The following MROH7 variants were observed in gnomAD, a reference collection of about 807,000 sequenced individuals.
MROH7 encodes maestro heat-like repeat-containing protein family member 7.
A neutral mutation model predicts 129.2 loss-of-function variants in MROH7; 113 were observed. The ratio of observed to expected loss-of-function variants is 0.87; its 90% CI spans 0.75 to 1.02. The LOEUF (loss-of-function observed/expected upper bound fraction) is 1.02, where lower values mean the gene tolerates loss of function less well. MROH7 is among the 50% of genes least tolerant of loss of function. The pLI is 0.00. For synonymous variants in MROH7, 655 were observed against 667.9 expected (o/e 0.98, Z 0.30); for missense variants, 1,601 against 1,671.3 (o/e 0.96, Z 0.73).
rs1211746482 is a variant in MROH7 at position 54,678,873 on chromosome 1, T to C, written c.2049+19T>C. 1 of 1,583,868 alleles carries C rather than the reference T, an allele frequency of 6.3e-7. No homozygotes were observed. The highest frequency in any genetic ancestry group is 1.7e-5 in the Admixed American group (1 of 59,926). ...GATCGAGGTGACTGCCTGGTGCCCATCCAGGAGCGGAGGGTGGGGGGTGAG... is the reference window on the plus strand; with the variant it reads ...GATCGAGGTGACTGCCTGGTGCCCACCCAGGAGCGGAGGGTGGGGGGTGAG... On this transcript the variant is annotated intron_variant, in intron 11 of 23. Transcript: ENST00000421030.
At position 54,678,773 on chromosome 1, in the gene MROH7, G is replaced by C. The variant is rs772024815; in HGVS notation, c.1968G>C (p.Lys656Asn). ...GAGATAAGGAAGAGACCAACAAAAA[G>C]GAGCTATATGAGAGCAACAAGCATT... ...RARDKEETNKKELYESNKHFL... is the reference protein window; with the variant it reads ...RARDKEETNKNELYESNKHFL... The change falls in exon 11 of 24, where the codon AAG becomes AAC. Residue 656 changes from lysine (K) to asparagine (N), a missense_variant. Physicochemically the swap from Lys to Asn is moderately conservative, Grantham distance 94. Transcript: ENST00000421030. 42 of 1,613,844 alleles carry C rather than the reference G, an allele frequency of 2.6e-5. No individual in the cohort carries two copies. The highest frequency in any genetic ancestry group is 3.5e-5 in the Non-Finnish European group (41 of 1,179,954).
chr1:54,692,893 C>A (rs1234939050), intron 16 of MROH7, among the ~76,000 whole-genome samples: 1 of 152,172 alleles, frequency 6.6e-6, no homozygotes. Flanking sequence ...TTGGAGATGG[C>A]CTGACTGCAT....
rs1414070579 is a variant in MROH7 at position 54,678,735 on chromosome 1, C to T, written c.1937-7C>T. On this transcript the variant is annotated splice_polypyrimidine_tract_variant and splice_region_variant and intron_variant, in intron 10 of 23. Coordinates refer to ENST00000421030, the MANE Select transcript of MROH7 (RefSeq NM_001039464.4). ...CCGGCCTCACTGAGAAGGTTCTCAT[C>T]TTGCAGGAGCCAGAGATAAGGAAGA... is the stretch of plus-strand genomic sequence containing the variant. 1 of 1,605,972 alleles carries T rather than the reference C, an allele frequency of 6.2e-7. No individual in the cohort carries two copies. The highest frequency in any genetic ancestry group is 8.5e-7 in the Non-Finnish European group (1 of 1,172,764).
chr1:54,692,471 C>T lies in MROH7; in HGVS notation c.2759C>T (p.Ser920Phe). ...ACCCTGCTACTGAGGATGGGCTGCT[C>T]TTATGAGACCACGTTTCTGGAGGAC... ...VKTLLLRMGCSYETTFLEDQG... is the reference protein window; with the variant it reads ...VKTLLLRMGCFYETTFLEDQG... The change falls in exon 16 of 24, where the codon TCT (serine) becomes TTT (phenylalanine). Residue 920 changes from serine (S) to phenylalanine (F), a missense_variant. Coordinates refer to ENST00000421030, the MANE Select transcript of MROH7 (RefSeq NM_001039464.4). The T allele has an allele frequency of 6.2e-7, 1 of 1,614,084 alleles. No individual in the cohort carries two copies. The highest frequency in any genetic ancestry group is 8.5e-7 in the Non-Finnish European group (1 of 1,180,002).
At chr1:54,698,368 CTT>C (rs1645355387) in intron 17 of MROH7, 1 of 152,490 alleles carries the variant, frequency 6.6e-6, no homozygotes, top group Non-Finnish European at 1.5e-5. Flanking sequence ...TCTCATGACT[CTT>C]TTCCGTGTCT....
At chr1:54,659,261 A>G (rs142301870) in intron 3 of MROH7, 70 of 175,014 alleles carry the variant, frequency 4.0e-4, no homozygotes, top group African/African-American at 1.4e-3. Flanking sequence ...CGCTTAGCTA[A>G]TTTTTTGTAT....
intron 1 of MROH7, among the ~76,000 whole-genome samples, chr1:54,646,465 G>A (rs1452775279): frequency 6.6e-6 from 1 of 152,206 alleles, no homozygotes; most frequent in East Asian, 1.9e-4. Flanking sequence ...AAAACTCCAG[G>A]GAACTCACCA....
chr1:54,702,007 TGA>T (rs1645444105), intron 19 of MROH7, 81 bp from the exon 20 acceptor site: 1 of 1,240,174 alleles, frequency 8.1e-7, no homozygotes. Flanking sequence ...TAGGCTTGAG[TGA>T]GAGGAACAAT....
intron 1 of MROH7, among the ~76,000 whole-genome samples, chr1:54,648,375 T>TA (rs1374922440): frequency 4.3e-5 from 6 of 140,006 alleles, no homozygotes; most frequent in African/African-American, 1.6e-4. Context: ...TTTATTTATT[T>TA]ATTTTTTGAG....
chr1:54,655,799 C>G (rs1417637276), intron 3 of MROH7, among the ~76,000 whole-genome samples: 3 of 151,952 alleles, frequency 2.0e-5, no homozygotes, highest in Admixed American at 1.3e-4. Context: ...TCACACTTTC[C>G]TTTACATAGG....
intron 1 of MROH7, among the ~76,000 whole-genome samples, chr1:54,646,540 C>T (rs750809464): frequency 6.6e-6 from 1 of 152,056 alleles, no homozygotes; most frequent in African/African-American, 2.4e-5. Flanking sequence ...CCATCAGAAT[C>T]CTTTTATGGT....
At chr1:54,647,891 T>G in intron 1 of MROH7, among the ~76,000 whole-genome samples, 1 of 113,446 alleles carries the variant, frequency 8.8e-6, no homozygotes, top group Admixed American at 1.3e-4. Context: ...TGTGACAGAG[T>G]GAGACTCCAT....
At position 54,653,866 on chromosome 1, in the gene MROH7, A is replaced by T. The variant is rs745509518; in HGVS notation, c.940A>T (p.Thr314Ser). Residue 314 changes from threonine (T) to serine (S), a missense_variant, in exon 3 of 24, where the codon ACC (threonine) becomes TCC (serine). Physicochemically the swap from Thr to Ser is moderately conservative, Grantham distance 58. Coordinates refer to ENST00000421030, the MANE Select transcript of MROH7 (RefSeq NM_001039464.4). The stretch of plus-strand genomic sequence containing the variant: ...CTATGGTATCAGCCTGCACTCCAGC[A>T]CCCATGAGCCCAACTCCACCATCTC... Reference protein sequence around the residue: ...SSYGISLHSSTHEPNSTISPP... With the variant: ...SSYGISLHSSSHEPNSTISPP... The T allele has an allele frequency of 1.2e-6, 2 of 1,613,716 alleles. No homozygotes were observed. The highest frequency in any genetic ancestry group is 2.7e-5 in the African/African-American group (2 of 74,824).
chr1:54,648,380 T>A (rs868643289), intron 1 of MROH7, among the ~76,000 whole-genome samples: 5 of 84,106 alleles, frequency 5.9e-5, no homozygotes, highest in African/African-American at 2.6e-4. Flanking sequence ...TTATTTATTT[T>A]TTGAGACGGA....
intron 15 of MROH7, among the ~76,000 whole-genome samples, chr1:54,688,320 C>A (rs750524316): frequency 6.6e-6 from 1 of 151,012 alleles, no homozygotes; most frequent in South Asian, 2.1e-4. Context: ...GATCCTCCAA[C>A]CTTGGCCTCC....
In MROH7 at chr1:54,701,981, G is replaced by A. The variant is rs193117226; in HGVS notation, c.3286-109G>A. The stretch of plus-strand genomic sequence containing the variant: ...AGTGGGGGTCTGGCTGGGAAGAGTC[G>A]GGAGAGTTCCAGACCTAGGCTTGAG... On this transcript the variant is annotated intron_variant, in intron 19 of 23. Coordinates refer to ENST00000421030, the MANE Select transcript of MROH7 (RefSeq NM_001039464.4). 4.6e-4 allele frequency: 455 copies of A among 981,352 alleles called. 7 individuals are homozygous for A. In the East Asian group the frequency reaches 0.012, roughly 26 times the overall value. The allele number at this position is 981,352 out of a possible 1,614,324, so 60.8% of individuals were successfully genotyped here. A position where few individuals can be genotyped will look rare whatever the true frequency, so the allele number is the denominator to read the frequency against.
chr1:54,655,206 G>A (rs1644624859), intron 3 of MROH7, among the ~76,000 whole-genome samples: 2 of 151,868 alleles, frequency 1.3e-5, no homozygotes, highest in South Asian at 4.2e-4. Context: ...GTAGAGACAA[G>A]GTTTTGCCAT....
chr1:54,697,820 T>C, intron 17 of MROH7: 1 of 572,096 alleles, frequency 1.7e-6, no homozygotes, highest in Non-Finnish European at 3.2e-6. Context: ...TGTTAGTGTC[T>C]ACCACATGGG....
intron 9 of MROH7, 89 bp downstream of exon 9, chr1:54,673,894 T>A: frequency 6.6e-7 from 1 of 1,518,202 alleles, no homozygotes; most frequent in Non-Finnish European, 9.1e-7. Context: ...GATTCCCAGG[T>A]GGCTCTTGCC....
Sources: gnomAD v4.1 joint callset for allele counts (sites outside exome capture counted in the v4.1 genomes callset) on GRCh38, gnomAD v4.1.1 for gene constraint, MANE v1.5 for transcripts, NCBI Gene and HGNC (gene_info 2026-07-23, HGNC 2026-07-21) for gene names.